The following RSBN1L variants were observed in gnomAD, a reference collection of about 807,000 sequenced individuals.
The protein encoded by RSBN1L is round spermatid basic protein 1 like, also known as lysine-specific demethylase RSBN1L.
RSBN1L carries 30 observed loss-of-function variants against 67.7 expected under a neutral mutation model. That is an observed-to-expected ratio of 0.44 (90% CI 0.33 to 0.60). RSBN1L has a LOEUF of 0.60. Among genes scored for constraint, RSBN1L ranks in the 20% least tolerant of loss-of-function variants. The pLI, the probability that RSBN1L is intolerant of heterozygous loss-of-function variation, is 0.02. For synonymous variants in RSBN1L, 433 were observed against 387.0 expected, an observed-to-expected ratio of 1.12 and a Z score of -1.39; for missense variants, 992 against 1,031.7, an observed-to-expected ratio of 0.96 and a Z score of 0.53.
At chr7:77,768,934 G>A (rs1303485662) in intron 5 of RSBN1L, 131 bp downstream of exon 5, 7 of 714,028 alleles carry the variant, frequency 9.8e-6, no homozygotes, top group African/African-American at 7.1e-5. Context: ...TAAAAATAGC[G>A]ATACATGCTA....
chr7:77,721,225 TG>T (rs1791115335), intron 1 of RSBN1L, among the ~76,000 whole-genome samples: 1 of 150,260 alleles, frequency 6.7e-6, no homozygotes, highest in African/African-American at 2.5e-5. Flanking sequence ...TTGGTAATTT[TG>T]TTTTTTTTTT....
Position 77,762,445 on chromosome 7 carries a change from C to T in RSBN1L, c.1345-3050C>T, listed in dbSNP as rs533437873. ...ATGTTTAGGTCTATACTAATTTAGA[C>T]GTGTTTTGTTTTATTTTGAAATAAA... On this transcript the variant is annotated intron_variant, in intron 3 of 7. Transcript: ENST00000334955. Among the ~76,000 whole-genome samples the T allele has an allele frequency of 2.6e-5, 4 of 152,046 alleles. No homozygotes were observed. In the East Asian group the frequency reaches 5.8e-4, roughly 22 times the overall value.
At chr7:77,748,374 T>A (rs775552214) in intron 2 of RSBN1L, among the ~76,000 whole-genome samples, 2 of 152,216 alleles carry the variant, frequency 1.3e-5, no homozygotes, top group African/African-American at 2.4e-5. Context: ...GGATTTGATA[T>A]TTCAACATTC....
At chr7:77,709,846 A>G (rs1476688030) in intron 1 of RSBN1L, among the ~76,000 whole-genome samples, 1 of 152,190 alleles carries the variant, frequency 6.6e-6, no homozygotes, top group African/African-American at 2.4e-5. Context: ...TTAAATCTAT[A>G]TAAATTGCCT....
chr7:77,710,846 T>C (rs1160995390), intron 1 of RSBN1L, among the ~76,000 whole-genome samples: 1 of 152,150 alleles, frequency 6.6e-6, no homozygotes, highest in Non-Finnish European at 1.5e-5. Flanking sequence ...TACGCCCGCC[T>C]CAGCCTCCCA....
chr7:77,725,854 G>C (rs1344818405), intron 1 of RSBN1L, among the ~76,000 whole-genome samples: 3 of 152,082 alleles, frequency 2.0e-5, no homozygotes, highest in Non-Finnish European at 2.9e-5. Context: ...AAAGTGCTGG[G>C]ATTACAGGCA....
At chr7:77,707,302 G>C (rs894160209) in intron 1 of RSBN1L, among the ~76,000 whole-genome samples, 1 of 152,164 alleles carries the variant, frequency 6.6e-6, no homozygotes, top group African/African-American at 2.4e-5. Context: ...GGGATTATAG[G>C]CTTGAGCAAC....
At chr7:77,710,606 T>G (rs1316898154) in intron 1 of RSBN1L, among the ~76,000 whole-genome samples, 1 of 149,428 alleles carries the variant, frequency 6.7e-6, no homozygotes, top group African/African-American at 2.4e-5. Context: ...TTGTTTTTTG[T>G]TTTTTTTGAG....
rs770349571 is a variant in RSBN1L at position 77,750,039 on chromosome 7, C to T, written c.1319C>T (p.Thr440Met). Reference protein sequence around the residue: ...EILGKKDIETTTMSNFHAQVK... With the variant: ...EILGKKDIETMTMSNFHAQVK... ...TTGGGAAAGAAAGATATAGAGACAACGACTATGTCCAATTTTCATGCTCAG... is the reference window on the plus strand; with the variant it reads ...TTGGGAAAGAAAGATATAGAGACAATGACTATGTCCAATTTTCATGCTCAG... The change falls in exon 3 of 8, where the codon ACG becomes ATG. Residue 440 changes from threonine to methionine, a missense_variant. By Grantham distance (81) the Thr-to-Met change is moderately conservative (BLOSUM62 -1). Around this residue, in one of 7 missense-constraint regions of RSBN1L, gnomAD observed 63 missense variants for 84.8 expected, o/e 0.74. Transcript: ENST00000334955. 31 of 1,595,262 alleles carry T rather than the reference C, an allele frequency of 1.9e-5. No homozygotes were observed. The highest frequency in any genetic ancestry group is 2.7e-5 in the African/African-American group (2 of 73,666).
intron 2 of RSBN1L, among the ~76,000 whole-genome samples, chr7:77,740,990 T>C (rs544798106): frequency 1.1e-3 from 158 of 148,484 alleles, no homozygotes; most frequent in East Asian, 6.7e-3. Context: ...CTTTTCTTTT[T>C]TTTTTTTTTT....
intron 1 of RSBN1L, among the ~76,000 whole-genome samples, chr7:77,722,535 G>C (rs1280497337): frequency 6.6e-6 from 1 of 152,146 alleles, no homozygotes; most frequent in Non-Finnish European, 1.5e-5. Flanking sequence ...TTAGCGAGGG[G>C]CTGTGATAAA....
At chr7:77,722,718 CT>C (rs1394227087) in intron 1 of RSBN1L, among the ~76,000 whole-genome samples, 1 of 151,790 alleles carries the variant, frequency 6.6e-6, no homozygotes, top group African/African-American at 2.4e-5. Flanking sequence ...TGCTTGTTCT[CT>C]CATCTATTTC....
intron 3 of RSBN1L, among the ~76,000 whole-genome samples, chr7:77,761,666 A>T: frequency 6.6e-6 from 1 of 152,220 alleles, no homozygotes; most frequent in Non-Finnish European, 1.5e-5. Context: ...CAAGCAGTAT[A>T]TACTTTTTAA....
At chr7:77,748,235 C>G (rs1029270920) in intron 2 of RSBN1L, among the ~76,000 whole-genome samples, 1 of 152,020 alleles carries the variant, frequency 6.6e-6, no homozygotes, top group African/African-American at 2.4e-5. Flanking sequence ...GGATGAGAGA[C>G]AGTTATGCAG....
chr7:77,707,716 G>A (rs1220422259), intron 1 of RSBN1L, among the ~76,000 whole-genome samples: 1 of 152,070 alleles, frequency 6.6e-6, no homozygotes, highest in Non-Finnish European at 1.5e-5. Context: ...ACTTTGTCAA[G>A]CACTTCTTTC....
At chr7:77,762,212 A>G (rs1007770443) in intron 3 of RSBN1L, among the ~76,000 whole-genome samples, 1 of 152,136 alleles carries the variant, frequency 6.6e-6, no homozygotes, top group Non-Finnish European at 1.5e-5. Flanking sequence ...ATATTTAGCA[A>G]TATAATCGGA....
rs1001618556 is a variant in RSBN1L, at chr7:77,781,825, A to G, written c.*2657A>G. On this transcript the variant is annotated 3_prime_UTR_variant, in exon 8 of 8. Coordinates refer to ENST00000334955, the MANE Select transcript of RSBN1L (RefSeq NM_198467.3). Reference sequence around the variant, plus strand: ...TGGTGAAACCCCGTCTCTACTAAAAATACAAAAAAATTAGTTGGGCGTGGT... The same window carrying G: ...TGGTGAAACCCCGTCTCTACTAAAAGTACAAAAAAATTAGTTGGGCGTGGT... 5 of 152,188 alleles carry G rather than the reference A, an allele frequency of 3.3e-5. No homozygotes were observed. The highest frequency in any genetic ancestry group is 1.2e-4 in the African/African-American group (5 of 41,434). 9.4% of individuals were successfully genotyped at this position (152,188 alleles called of 1,614,324 possible).
chr7:77,726,196 C>T (rs1791201432), intron 1 of RSBN1L, among the ~76,000 whole-genome samples: 1 of 152,138 alleles, frequency 6.6e-6, no homozygotes, highest in Non-Finnish European at 1.5e-5. Context: ...AGTTAAGAAA[C>T]AGTAGTGATG....
intron 2 of RSBN1L, among the ~76,000 whole-genome samples, chr7:77,739,737 G>GGC (rs1791383668): frequency 1.6e-5 from 1 of 61,192 alleles, no homozygotes; most frequent in Non-Finnish European, 2.9e-5. Flanking sequence ...AAAAAAATGT[G>GGC]TCTTTTTTTT....
Sources: allele counts gnomAD v4.1 joint callset (sites outside exome capture counted in the v4.1 genomes callset), GRCh38; gene constraint gnomAD v4.1.1; regional missense constraint gnomAD v4.1.1; transcripts MANE v1.5; gene names NCBI Gene and HGNC (gene_info 2026-07-23, HGNC 2026-07-21).